Variants in ACTN4 observed in about 807,000 individuals in gnomAD.
The protein encoded by ACTN4 is alpha-actinin-4.
ACTN4 carries 18 observed loss-of-function variants against 114.2 expected under a neutral mutation model. The observed-to-expected ratio is 0.16, with a 90% CI of 0.11 to 0.23. The LOEUF is 0.23. Ranked by LOEUF, ACTN4 falls within the 10% of genes least tolerant of loss-of-function variation. ACTN4 has a pLI of 1.00. For synonymous variants in ACTN4, 515 were observed against 506.3 expected (o/e 1.02, Z -0.23); for missense variants, 722 against 1,262.9 (o/e 0.57, Z 6.49).
intron 1 of ACTN4, among the ~76,000 whole-genome samples, chr19:38,676,692 T>C (rs1967386798): frequency 6.6e-6 from 1 of 152,148 alleles, no homozygotes. Flanking sequence ...GTAGGAGCTT[T>C]TCATCTCAGG....
intron 12 of ACTN4, among the ~76,000 whole-genome samples, 170 bp from the exon 13 acceptor site, chr19:38,723,444 A>G (rs562830273): frequency 5.3e-5 from 8 of 152,234 alleles, no homozygotes; most frequent in Non-Finnish European, 7.4e-5. Context: ...TGGGGGTCCC[A>G]TGGGCCAGAA....
chr19:38,731,124 T>G lies in ACTN4; in HGVS notation c.*1692T>G, dbSNP rs1003551664. On this transcript the variant is annotated 3_prime_UTR_variant, in exon 21 of 21. Transcript: ENST00000252699. ...GTACTCACAGAAGATGCAGGTGAGG[T>G]GGGCCACACAGGACACGAACCGCTC... 6 of 1,611,362 alleles carry G rather than the reference T, an allele frequency of 3.7e-6. No homozygotes were observed. The highest frequency in any genetic ancestry group is 5.1e-6 in the Non-Finnish European group (6 of 1,179,530).
rs925279951 is a variant in ACTN4, at chr19:38,730,504, A to G, written c.*1072A>G. The G allele has an allele frequency of 1.2e-5, 4 of 342,916 alleles. No individual in the cohort carries two copies. In the East Asian group the frequency reaches 2.2e-4, roughly 19 times the overall value. The allele number at this position is 342,916 out of a possible 1,614,324, so 21.2% of individuals were successfully genotyped here. A position where few individuals can be genotyped will look rare whatever the true frequency, so the allele number is the denominator to read the frequency against. On this transcript the variant is annotated 3_prime_UTR_variant, in exon 21 of 21. Transcript: ENST00000252699. ...TAAACCACCCTCTGGGGACAGGATA[A>G]TAAAACATGTAATATTTTTAAGAAG...
At position 38,721,521 on chromosome 19, in the gene ACTN4, C is replaced by T. The variant is rs1252380678; in HGVS notation, c.1292-17C>T. ...AGCTGCCGTGCTGTGGTCTAAGCGT[C>T]TCTCTGCTCCTACCAGGGAAGGAAG... On this transcript the variant is annotated splice_polypyrimidine_tract_variant and intron_variant, in intron 11 of 20. Coordinates refer to ENST00000252699, the MANE Select transcript of ACTN4 (RefSeq NM_004924.6). 1 of 1,613,562 alleles carries T rather than the reference C, an allele frequency of 6.2e-7. No homozygotes were observed. The highest frequency in any genetic ancestry group is 8.5e-7 in the Non-Finnish European group (1 of 1,180,018).
Position 38,715,096 on chromosome 19 carries a change from C to G in ACTN4, c.912+535C>G, listed in dbSNP as rs1407238289. Among the ~76,000 whole-genome samples, 3 of 152,218 alleles carry G rather than the reference C, an allele frequency of 2.0e-5. No homozygotes were observed. The East Asian group carries it at 5.8e-4, about 29-fold the overall frequency. Reference sequence around the variant, plus strand: ...TAGTGGGACAGAGAGCTGGGCTTCACCCAGGCAGCCCTGCTCTAGAGTCCA... The same window carrying G: ...TAGTGGGACAGAGAGCTGGGCTTCAGCCAGGCAGCCCTGCTCTAGAGTCCA... On this transcript the variant is annotated intron_variant, in intron 9 of 20. Transcript: ENST00000252699.
At chr19:38,684,602 G>A (rs1967682879) in intron 1 of ACTN4, among the ~76,000 whole-genome samples, 1 of 152,220 alleles carries the variant, frequency 6.6e-6, no homozygotes, top group South Asian at 2.1e-4. Context: ...TAGGTGGGGC[G>A]AGCCAGGGTG....
intron 1 of ACTN4, among the ~76,000 whole-genome samples, chr19:38,665,840 C>CTGGGTT (rs1320067574): frequency 2.6e-5 from 4 of 152,190 alleles, no homozygotes; most frequent in Non-Finnish European, 4.4e-5. Context: ...GGCTCTTTCC[C>CTGGGTT]CGGGTTCCCT....
rs1976531342 is a variant in ACTN4 at position 38,650,534 on chromosome 19, C to G, written c.162+2627C>G. On this transcript the variant is annotated intron_variant, in intron 1 of 20. Coordinates refer to ENST00000252699, the MANE Select transcript of ACTN4 (RefSeq NM_004924.6). ...CTCAGCCAGAGCCAGATTCTAGTAC[C>G]TCCTGCTTTACACCTCCTCCAGCAA... Among the ~76,000 whole-genome samples, 3 of 152,192 alleles carry G rather than the reference C, an allele frequency of 2.0e-5. No homozygotes were observed. The South Asian group carries it at 6.2e-4, about 32-fold the overall frequency.
intron 1 of ACTN4, among the ~76,000 whole-genome samples, chr19:38,651,639 G>T (rs777166396): frequency 6.6e-6 from 1 of 152,136 alleles, no homozygotes; most frequent in Non-Finnish European, 1.5e-5. Flanking sequence ...TTTTTTTGGA[G>T]ACGGAGTTTT....
chr19:38,723,010 C>T (rs939291538), intron 12 of ACTN4, among the ~76,000 whole-genome samples: 1 of 152,176 alleles, frequency 6.6e-6, no homozygotes, highest in African/African-American at 2.4e-5. Flanking sequence ...TGATTAATGG[C>T]GATAGCAAAA....
intron 7 of ACTN4, 41 bp from the exon 8 acceptor site, chr19:38,710,216 C>G: frequency 4.4e-6 from 7 of 1,605,840 alleles, no homozygotes; most frequent in Non-Finnish European, 6.0e-6. Context: ...CTCCACCCCC[C>G]GCCCTACTCG....
At position 38,673,498 on chromosome 19, in the gene ACTN4, T is replaced by TC. The variant is rs1568689458; in HGVS notation, c.162+25591_162+25592insC. On this transcript the variant is annotated intron_variant, in intron 1 of 20. Transcript: ENST00000252699. ...ATTTATATATATATTCATATATATT[T>TC]ATATATATGAATATATATTTATATA... Among the ~76,000 whole-genome samples the TC allele has an allele frequency of 3.6e-4, 21 of 57,994 alleles. 3 individuals carry two copies. In the East Asian group the frequency reaches 3.7e-3, roughly 10 times the overall value. The allele number at this position is 57,994 out of a possible 152,430, so 38.0% of individuals were successfully genotyped here. A position where few individuals can be genotyped will look rare whatever the true frequency, so the allele number is the denominator to read the frequency against.
At position 38,717,063 on chromosome 19, in the gene ACTN4, A is replaced by G. The variant is rs761866160; in HGVS notation, c.913-23A>G. 6.2e-7 allele frequency: 1 copy of G among 1,604,544 alleles called. No individual in the cohort carries two copies. The highest frequency in any genetic ancestry group is 8.5e-7 in the Non-Finnish European group (1 of 1,175,530). On this transcript the variant is annotated intron_variant, in intron 9 of 20. Coordinates refer to ENST00000252699, the MANE Select transcript of ACTN4 (RefSeq NM_004924.6). This position sits in a 1 kb window ranked among gnomAD's most constrained non-coding sequence, Gnocchi z 4.0. ...ACTCTGAGGGTCCCCCACAAAGGCC[A>G]CGCTGGCTTCTGTGGCCCACAGCTC...
At chr19:38,701,241 G>T (rs1382686874) in intron 3 of ACTN4, 120 bp downstream of exon 3, 1 of 1,508,630 alleles carries the variant, frequency 6.6e-7, no homozygotes, top group African/African-American at 1.4e-5. Flanking sequence ...GGCACTCAGA[G>T]CCCCAGTACA....
chr19:38,687,868 A>G (rs1967797471), intron 1 of ACTN4, among the ~76,000 whole-genome samples: 1 of 152,234 alleles, frequency 6.6e-6, no homozygotes, highest in South Asian at 2.1e-4. Flanking sequence ...TGTATATCTG[A>G]TAAGGGTCTA....
intron 1 of ACTN4, among the ~76,000 whole-genome samples, chr19:38,687,876 C>A (rs929061549): frequency 2.0e-5 from 3 of 152,148 alleles, no homozygotes; most frequent in African/African-American, 7.2e-5. Context: ...TGATAAGGGT[C>A]TACTGTCCAA....
chr19:38,731,581 C>A lies in ACTN4; in HGVS notation c.*2149C>A. On this transcript the variant is annotated 3_prime_UTR_variant, in exon 21 of 21. Coordinates refer to ENST00000252699, the MANE Select transcript of ACTN4 (RefSeq NM_004924.6). The stretch of plus-strand genomic sequence containing the variant: ...TGTGCAGCAAAAAATATAGTCAATC[C>A]CATATGGAGTCAGTTTCCTTACAGT... 3.2e-6 allele frequency: 1 copy of A among 316,328 alleles called. No individual in the cohort carries two copies. Among genetic ancestry groups the A allele is most frequent in the Non-Finnish European group, 6.1e-6 (1 of 162,874 alleles). The allele number at this position is 316,328 out of a possible 1,614,324, so 19.6% of individuals were successfully genotyped here. A position where few individuals can be genotyped will look rare whatever the true frequency, so the allele number is the denominator to read the frequency against.
At chr19:38,654,313 G>A (rs1382665984) in intron 1 of ACTN4, among the ~76,000 whole-genome samples, 1 of 152,180 alleles carries the variant, frequency 6.6e-6, no homozygotes, top group Admixed American at 6.5e-5. Context: ...TGTAATCCCA[G>A]CACTTTGGGA....
intron 1 of ACTN4, among the ~76,000 whole-genome samples, chr19:38,667,342 G>A (rs1170778581): frequency 6.6e-6 from 1 of 152,072 alleles, no homozygotes; most frequent in Non-Finnish European, 1.5e-5. Context: ...ATGAGTGTGT[G>A]TATGTGTGTG....
Sources: allele counts gnomAD v4.1 joint callset (sites outside exome capture counted in the v4.1 genomes callset), GRCh38; gene constraint gnomAD v4.1.1; non-coding constraint Gnocchi (gnomAD v3.1); transcripts MANE v1.5; gene names NCBI Gene and HGNC (gene_info 2026-07-23, HGNC 2026-07-21).